Variants in APOBEC4 observed in about 807,000 individuals in gnomAD.
APOBEC4 encodes the protein putative deaminase APOBEC-4.
For synonymous variants in APOBEC4, 141 were observed against 154.2 expected, an observed-to-expected ratio of 0.91 and a Z score of 0.63; for missense variants, 375 against 441.2, an observed-to-expected ratio of 0.85 and a Z score of 1.34.
Position 183,648,677 on chromosome 1 carries a change from A to AC in APOBEC4, c.104_105insG (p.Ile35MetfsTer5). 1.2e-6 allele frequency: 2 copies of AC among 1,614,236 alleles called. No homozygotes were observed. The highest frequency in any genetic ancestry group is 1.6e-4 in the Middle Eastern group (1 of 6,062). On this transcript the variant is annotated frameshift_variant, in exon 2 of 2. Transcript: ENST00000308641. LOFTEE classifies it low-confidence loss of function (END_TRUNC). ...AAACTCTTGCTTCTTCACCTGTTCG[A>AC]ATATGGTAAGGACAATTAGAGCAAT... is the stretch of plus-strand genomic sequence containing the variant.
chr1:183,650,977 T>C (rs1201709229), intron 1 of APOBEC4, among the ~76,000 whole-genome samples: 1 of 152,194 alleles, frequency 6.6e-6, no homozygotes, highest in Non-Finnish European at 1.5e-5. Context: ...ATTTTTTGCG[T>C]GAAGTTTTCC....
Position 183,648,189 on chromosome 1 carries a change from A to T in APOBEC4, c.593T>A (p.Leu198His), listed in dbSNP as rs1227701278. 2.5e-6 allele frequency: 4 copies of T among 1,614,198 alleles called. No individual in the cohort carries two copies. Among genetic ancestry groups the T allele is most frequent in the Non-Finnish European group, 3.4e-6 (4 of 1,180,012 alleles). ...TGAGACACCACTTATAAAGCTGTGG[A>T]GAACAGAATGCCAGATCCCACCACT... ...PISGGIWHSVLHSFISGVSGS... is the reference protein window; with the variant it reads ...PISGGIWHSVHHSFISGVSGS... Residue 198 changes from leucine to histidine, a missense_variant, in exon 2 of 2, where the codon CTC (leucine) becomes CAC (histidine). Coordinates refer to ENST00000308641, the MANE Select transcript of APOBEC4 (RefSeq NM_203454.3).
Position 183,648,682 on chromosome 1 carries a change from G to T in APOBEC4, c.100C>A (p.His34Asn). Residue 34 changes from histidine (H) to asparagine (N), a missense_variant, in exon 2 of 2, where the codon CAT becomes AAT. Physicochemically the swap from His to Asn is moderately conservative, Grantham distance 68. Coordinates refer to ENST00000308641, the MANE Select transcript of APOBEC4 (RefSeq NM_203454.3). ...FSLDCSNCPY[H>N]IRTGEEARVS... Reference sequence around the variant, plus strand: ...CTTGCTTCTTCACCTGTTCGAATATGGTAAGGACAATTAGAGCAATCGAGA... The same window carrying T: ...CTTGCTTCTTCACCTGTTCGAATATTGTAAGGACAATTAGAGCAATCGAGA... 6.2e-7 allele frequency: 1 copy of T among 1,614,118 alleles called. No homozygotes were observed. The highest frequency in any genetic ancestry group is 1.3e-5 in the African/African-American group (1 of 75,036).
chr1:183,647,415 T>C lies in APOBEC4; in HGVS notation c.*263A>G. ...AGATTCCTTTTCTGCATCAAAATATTAGCAAGCTGCTAATGGTTCCATTTT... is the reference window on the plus strand; with the variant it reads ...AGATTCCTTTTCTGCATCAAAATATCAGCAAGCTGCTAATGGTTCCATTTT... On this transcript the variant is annotated 3_prime_UTR_variant, in exon 2 of 2. Coordinates refer to ENST00000308641, the MANE Select transcript of APOBEC4 (RefSeq NM_203454.3). 2 of 306,770 alleles carry C rather than the reference T, an allele frequency of 6.5e-6. No individual in the cohort carries two copies. Among genetic ancestry groups the C allele is most frequent in the Non-Finnish European group, 5.8e-6 (1 of 171,306 alleles). The allele number at this position is 306,770 out of a possible 1,614,324, so 19.0% of individuals were successfully genotyped here. A position where few individuals can be genotyped will look rare whatever the true frequency, so the allele number is the denominator to read the frequency against.
At chr1:183,652,114 T>A (rs892124129) in intron 1 of APOBEC4, among the ~76,000 whole-genome samples, 2 of 152,236 alleles carry the variant, frequency 1.3e-5, no homozygotes, top group Admixed American at 1.3e-4. Flanking sequence ...TCTTTATTAC[T>A]ATTTCTTAAG....
intron 1 of APOBEC4, among the ~76,000 whole-genome samples, chr1:183,650,286 A>G (rs760058410): frequency 4.6e-5 from 7 of 152,060 alleles, no homozygotes; most frequent in African/African-American, 7.2e-5. Context: ...GCTCACGCCT[A>G]TAATCCCAGC....
At chr1:183,648,926 A>C (rs1387152236) in intron 1 of APOBEC4, 115 bp from the exon 2 acceptor site, 4 of 637,814 alleles carry the variant, frequency 6.3e-6, no homozygotes, top group African/African-American at 1.8e-5. Context: ...AGATAGTGAT[A>C]TATGCATAGA....
At chr1:183,650,366 A>AC (rs1426837315) in intron 1 of APOBEC4, among the ~76,000 whole-genome samples, 2 of 151,874 alleles carry the variant, frequency 1.3e-5, no homozygotes, top group East Asian at 1.9e-4. Flanking sequence ...ACATGGTGAA[A>AC]CCCCGTCTCT....
rs200723999 is a variant in APOBEC4, at chr1:183,647,653, G to C, written c.*25C>G. The stretch of plus-strand genomic sequence containing the variant: ...TATCTAATAAGTCCCTTGGTAATTG[G>C]TTTCATGCTGTAGGAATGTAGATTT... On this transcript the variant is annotated 3_prime_UTR_variant, in exon 2 of 2. Coordinates refer to ENST00000308641, the MANE Select transcript of APOBEC4 (RefSeq NM_203454.3). The C allele has an allele frequency of 1.3e-6, 2 of 1,559,428 alleles. No individual in the cohort carries two copies. The highest frequency in any genetic ancestry group is 4.5e-5 in the East Asian group (2 of 44,268).
intron 1 of APOBEC4, among the ~76,000 whole-genome samples, chr1:183,650,400 A>G (rs1650643005): frequency 6.6e-6 from 1 of 152,164 alleles, no homozygotes; most frequent in East Asian, 1.9e-4. Context: ...AAAATTAGCC[A>G]GGTGTGGTGG....
At position 183,652,066 on chromosome 1, in the gene APOBEC4, TA is replaced by T. The variant is rs1352519084; in HGVS notation, c.-31+1005del. Among the ~76,000 whole-genome samples the T allele has an allele frequency of 5.3e-5, 8 of 152,364 alleles. No homozygotes were observed. The East Asian group carries it at 1.5e-3, about 29-fold the overall frequency. On this transcript the variant is annotated intron_variant, in intron 1 of 1. Coordinates refer to ENST00000308641, the MANE Select transcript of APOBEC4 (RefSeq NM_203454.3). ...TAGACAATTTACAGATTGATTTGGCTAAATGTTATGGAAACAGAACCAAAAG... is the reference window on the plus strand; with the variant it reads ...TAGACAATTTACAGATTGATTTGGCTAATGTTATGGAAACAGAACCAAAAG...
rs780758782 is a variant in APOBEC4, at chr1:183,648,253, G to T, written c.529C>A (p.Leu177Met). Residue 177 changes from leucine to methionine, a missense_variant, in exon 2 of 2, where the codon CTG (leucine) becomes ATG (methionine). Leu to Met is a conservative substitution (Grantham distance 15). Transcript: ENST00000308641. ...SAWNREALRS[L>M]ASLWPRVVLS... The stretch of plus-strand genomic sequence containing the variant: ...ACAACCCGCGGCCATAAGCTGGCCA[G>T]GCTCCGGAGAGCTTCGCGGTTCCAT... 1.9e-6 allele frequency: 3 copies of T among 1,614,194 alleles called. No homozygotes were observed. The highest frequency in any genetic ancestry group is 1.7e-6 in the Non-Finnish European group (2 of 1,180,026).
Position 183,648,439 on chromosome 1 carries a change from T to C in APOBEC4, c.343A>G (p.Ile115Val), listed in dbSNP as rs771951165. ...LDSAIYNNDSIRHIILYSNNS... is the reference protein window; with the variant it reads ...LDSAIYNNDSVRHIILYSNNS... The stretch of plus-strand genomic sequence containing the variant: ...TTGGAATACAGAATGATATGCCTGA[T>C]GCTGTCATTATTGTATATGGCTGAG... The change falls in exon 2 of 2, where the codon ATC (isoleucine) becomes GTC (valine). Residue 115 changes from isoleucine (I) to valine (V), a missense_variant. Ile to Val is a conservative substitution (Grantham distance 29). Transcript: ENST00000308641. 2 of 1,614,238 alleles carry C rather than the reference T, an allele frequency of 1.2e-6. No homozygotes were observed. Among genetic ancestry groups the C allele is most frequent in the Non-Finnish European group, 1.7e-6 (2 of 1,180,038 alleles).
At position 183,648,611 on chromosome 1, in the gene APOBEC4, C is replaced by T; in HGVS notation, c.171G>A (p.Gly57=). 6.2e-7 allele frequency: 1 copy of T among 1,614,162 alleles called. No individual in the cohort carries two copies. The highest frequency in any genetic ancestry group is 8.5e-7 in the Non-Finnish European group (1 of 1,180,026). ...EFCQIFGFPY[G]TTFPQTKHLT... ...GGTGTTTTGTTTGAGGAAATGTTGT[C>T]CCATAAGGGAATCCAAAAATCTGAC... The change falls in exon 2 of 2, where the codon GGG becomes GGA. Residue 57 remains glycine, a synonymous_variant. Coordinates refer to ENST00000308641, the MANE Select transcript of APOBEC4 (RefSeq NM_203454.3).
chr1:183,647,651 T>C lies in APOBEC4; in HGVS notation c.*27A>G, dbSNP rs1650384913. 1 of 1,549,382 alleles carries C rather than the reference T, an allele frequency of 6.5e-7. No individual in the cohort carries two copies. Among genetic ancestry groups the C allele is most frequent in the African/African-American group, 1.4e-5 (1 of 72,440 alleles). ...CCTATCTAATAAGTCCCTTGGTAAT[T>C]GGTTTCATGCTGTAGGAATGTAGAT... On this transcript the variant is annotated 3_prime_UTR_variant, in exon 2 of 2. Coordinates refer to ENST00000308641, the MANE Select transcript of APOBEC4 (RefSeq NM_203454.3).
chr1:183,651,602 T>G (rs1034544556), intron 1 of APOBEC4, among the ~76,000 whole-genome samples: 1 of 152,220 alleles, frequency 6.6e-6, no homozygotes, highest in African/African-American at 2.4e-5. Flanking sequence ...GTGGCTAATA[T>G]CCTGCAGTAA....
At position 183,647,608 on chromosome 1, in the gene APOBEC4, G is replaced by A; in HGVS notation, c.*70C>T. ...TCTTGGCTCAGCCCTGAGAGAGAAA[G>A]TTTCCAGATTTTTATTGCCTATCTA... On this transcript the variant is annotated 3_prime_UTR_variant, in exon 2 of 2. Transcript: ENST00000308641. The A allele has an allele frequency of 6.7e-7, 1 of 1,501,898 alleles. No homozygotes were observed. The highest frequency in any genetic ancestry group is 1.4e-5 in the South Asian group (1 of 72,544). The allele number at this position is 1,501,898 out of a possible 1,614,324, so 93.0% of individuals were successfully genotyped here.
chr1:183,650,269 C>T lies in APOBEC4; in HGVS notation c.-30-1458G>A, dbSNP rs540695586. Reference sequence around the variant, plus strand: ...TTATTAAAAATAATATTCGGCCAGGCGTGGTGGCTCACGCCTATAATCCCA... The same window carrying T: ...TTATTAAAAATAATATTCGGCCAGGTGTGGTGGCTCACGCCTATAATCCCA... On this transcript the variant is annotated intron_variant, in intron 1 of 1. Transcript: ENST00000308641. 4.9e-5 allele frequency among the ~76,000 whole-genome samples: 7 copies of T among 143,814 alleles called. 1 individual carries two copies. In the South Asian group the frequency reaches 1.3e-3, roughly 27 times the overall value. 94.3% of individuals were successfully genotyped at this position (143,814 alleles called of 152,430 possible). A position where few individuals can be genotyped will look rare whatever the true frequency, so the allele number is the denominator to read the frequency against.
rs527527244 is a variant in APOBEC4, at chr1:183,652,514, C to G, written c.-31+558G>C. Among the ~76,000 whole-genome samples, 30 of 152,352 alleles carry G rather than the reference C, an allele frequency of 2.0e-4. No homozygotes were observed. The South Asian group carries it at 5.8e-3, about 29-fold the overall frequency. On this transcript the variant is annotated intron_variant, in intron 1 of 1. Coordinates refer to ENST00000308641, the MANE Select transcript of APOBEC4 (RefSeq NM_203454.3). The stretch of plus-strand genomic sequence containing the variant: ...GGAAAGAACTGTTGCCCTCTTTGAA[C>G]TCTTAGAGAATTCATGGTTTATTGT...
Sources: allele counts gnomAD v4.1 joint callset (sites outside exome capture counted in the v4.1 genomes callset), GRCh38; gene constraint gnomAD v4.1.1; transcripts MANE v1.5; gene names NCBI Gene and HGNC (gene_info 2026-07-23, HGNC 2026-07-21).